SERF2: variants seen among roughly 807,000 people sequenced by gnomAD.
The protein encoded by SERF2 is small EDRK-rich factor 2, also known as gastric cancer-related protein VRG107.
Under a neutral mutation model 10.7 loss-of-function variants are expected in SERF2, and 4 were observed. The observed-to-expected ratio is 0.37, with a 90% CI of 0.18 to 0.86. The LOEUF is 0.86. Ranked by LOEUF, SERF2 falls within the 40% of genes least tolerant of loss-of-function variation. The pLI, the probability that SERF2 is intolerant of heterozygous loss-of-function variation, is 0.43. For missense variants in SERF2, 47 were observed against 79.1 expected (o/e 0.59, Z 1.54); for synonymous variants, 26 against 26.0 (o/e 1.00, Z 0.01).
At chr15:43,786,340 A>G (rs1229990971) in intron 2 of SERF2, among the ~76,000 whole-genome samples, 2 of 148,800 alleles carry the variant, frequency 1.3e-5, no homozygotes, top group Non-Finnish European at 3.0e-5. Flanking sequence ...GTATGAGCCC[A>G]GGAGGCGGAG....
At chr15:43,791,421 A>AGTAGAAAC (rs111393349), upstream of SERF2, among the ~76,000 whole-genome samples, 24,407 of 151,122 alleles carry the variant, frequency 0.16, 2,564 homozygotes, top group African/African-American at 0.29. Context: ...TTGTATTTTT[A>AGTAGAAAC]GGGTTTTCAC....
rs759897421 is a variant in SERF2, at chr15:43,793,639, C to A, written c.117-71C>A. On this transcript the variant is annotated intron_variant, in intron 2 of 2. Transcript: ENST00000249786. ...TCCACTTCCATCTTATCCTTTGTGC[C>A]CTTCATCCCCCTGCATCTTGTCCTT... is the stretch of plus-strand genomic sequence containing the variant. 2.5e-6 allele frequency: 4 copies of A among 1,613,164 alleles called. No homozygotes were observed. In the Admixed American group the frequency reaches 6.7e-5, roughly 27 times the overall value.
Position 43,793,722 on chromosome 15 carries a change from C to G in SERF2, c.129C>G (p.Ile43Met). 6.2e-7 allele frequency: 1 copy of G among 1,614,204 alleles called. No homozygotes were observed. Among genetic ancestry groups the G allele is most frequent in the Admixed American group, 1.7e-5 (1 of 60,022 alleles). Residue 43 changes from isoleucine to methionine, a missense_variant, in exon 3 of 3, where the codon ATC becomes ATG. Coordinates refer to ENST00000249786, the MANE Select transcript of SERF2 (RefSeq NM_001018108.4). ...TCTCTACCCCCAGGGACTCGGAGATCATGCAGCAGAAGCAGAAAAAGGCAA... is the reference window on the plus strand; with the variant it reads ...TCTCTACCCCCAGGGACTCGGAGATGATGCAGCAGAAGCAGAAAAAGGCAA... Reference protein sequence around the residue: ...AAARKQRDSEIMQQKQKKANE... With the variant: ...AAARKQRDSEMMQQKQKKANE...
chr15:43,783,728 T>C (rs1299611972), intron 1 of SERF2, among the ~76,000 whole-genome samples: 3 of 151,716 alleles, frequency 2.0e-5, no homozygotes, highest in African/African-American at 7.3e-5. Flanking sequence ...GCCTCCCAAG[T>C]AGCTGGGACT....
rs17580062 is a variant in SERF2 at position 43,795,250 on chromosome 15, G to A, written c.*1477G>A. On this transcript the variant is annotated 3_prime_UTR_variant, in exon 3 of 3. Coordinates refer to ENST00000249786, the MANE Select transcript of SERF2 (RefSeq NM_001018108.4). ...AAGGCTCTGGTTAGAGAATATGAAG[G>A]GCCTTAGCTTTTAGACCTGTTCTAC... The A allele has an allele frequency of 7.1e-3, 11,416 of 1,606,458 alleles. 42 individuals are homozygous for A. Among genetic ancestry groups the A allele is most frequent in the Non-Finnish European group, 8.4e-3 (9,907 of 1,173,240 alleles).
In SERF2 at chr15:43,793,623, A is replaced by G; in HGVS notation, c.117-87A>G. 1.9e-6 allele frequency: 3 copies of G among 1,611,282 alleles called. No homozygotes were observed. In the East Asian group the frequency reaches 6.7e-5, roughly 36 times the overall value. On this transcript the variant is annotated intron_variant, in intron 2 of 2. Transcript: ENST00000249786. ...GCTGAACTTAGTCCCATCCACTTCC[A>G]TCTTATCCTTTGTGCCCTTCATCCC...
upstream of SERF2, chr15:43,792,097 A>C: frequency 4.0e-6 from 2 of 500,392 alleles, no homozygotes; most frequent in South Asian, 2.1e-5. Flanking sequence ...TGCCCACGTG[A>C]CCCGGCCTAG....
chr15:43,789,010 G>A (rs1307120321), upstream of SERF2, among the ~76,000 whole-genome samples: 2 of 151,876 alleles, frequency 1.3e-5, no homozygotes, highest in African/African-American at 2.4e-5. Flanking sequence ...TTAGCCGGGC[G>A]TAGTGGCGGG....
chr15:43,795,591 C>T lies in SERF2; in HGVS notation c.*1818C>T, dbSNP rs369243797. ...GAGCAGAGCTGCTGAAACACCTCTT[C>T]CCCTCTCCCCCAACTACCTTTGTTA... On this transcript the variant is annotated 3_prime_UTR_variant, in exon 3 of 3. Transcript: ENST00000249786. The T allele has an allele frequency of 1.9e-5, 30 of 1,612,170 alleles. No homozygotes were observed. The highest frequency in any genetic ancestry group is 3.3e-5 in the Admixed American group (2 of 59,970).
In SERF2 at chr15:43,795,702, A is replaced by C; in HGVS notation, c.*1929A>C. ...TTGGCACTCACCTTTGTCTGCCTCCACTGTTTCAGGGCAGCAGAAACACAG... is the reference window on the plus strand; with the variant it reads ...TTGGCACTCACCTTTGTCTGCCTCCCCTGTTTCAGGGCAGCAGAAACACAG... On this transcript the variant is annotated 3_prime_UTR_variant, in exon 3 of 3. Transcript: ENST00000249786. 6.2e-7 allele frequency: 1 copy of C among 1,614,080 alleles called. No individual in the cohort carries two copies. The highest frequency in any genetic ancestry group is 1.1e-5 in the South Asian group (1 of 91,072).
rs773514291 is a variant in SERF2 at position 43,793,946 on chromosome 15, C to T, written c.*173C>T. The T allele has an allele frequency of 1.3e-6, 2 of 1,552,512 alleles. No individual in the cohort carries two copies. The highest frequency in any genetic ancestry group is 1.4e-5 in the African/African-American group (1 of 73,288). On this transcript the variant is annotated 3_prime_UTR_variant, in exon 3 of 3. Coordinates refer to ENST00000249786, the MANE Select transcript of SERF2 (RefSeq NM_001018108.4). ...GCTTCCTTCCCCTCAGGTAGCCTCTCTCCCCCTGGGCCACTCCCGGGGGTG... is the reference window on the plus strand; with the variant it reads ...GCTTCCTTCCCCTCAGGTAGCCTCTTTCCCCCTGGGCCACTCCCGGGGGTG...
intron 1 of SERF2, among the ~76,000 whole-genome samples, chr15:43,783,651 G>T (rs1273576568): frequency 6.6e-6 from 1 of 151,866 alleles, no homozygotes; most frequent in Non-Finnish European, 1.5e-5. Flanking sequence ...CCAGGCTGGA[G>T]TGCAGTGACA....
In SERF2 at chr15:43,795,626, A is replaced by G; in HGVS notation, c.*1853A>G. On this transcript the variant is annotated 3_prime_UTR_variant, in exon 3 of 3. Coordinates refer to ENST00000249786, the MANE Select transcript of SERF2 (RefSeq NM_001018108.4). ...CCAACTACCTTTGTTAAGGCTCTTG[A>G]GGGTTCTTATGGCACTCCACAGAGA... The G allele has an allele frequency of 1.3e-6, 2 of 1,599,766 alleles. No homozygotes were observed. The highest frequency in any genetic ancestry group is 1.1e-5 in the South Asian group (1 of 90,692).
upstream of SERF2, among the ~76,000 whole-genome samples, chr15:43,787,357 A>T (rs749304949): frequency 7.9e-5 from 12 of 152,056 alleles, no homozygotes; most frequent in Non-Finnish European, 1.6e-4. Context: ...TGATTGACTT[A>T]GCCATTCAGT....
At chr15:43,777,208 C>T in exon 1 of SERF2, 1 of 567,652 alleles carries the variant, frequency 1.8e-6, no homozygotes, top group Non-Finnish European at 3.4e-6. Context: ...CGACCAGCGT[C>T]TGACCTCTCA....
upstream of SERF2, chr15:43,792,259 C>T (rs1366601653): frequency 4.5e-6 from 4 of 888,224 alleles, no homozygotes; most frequent in East Asian, 2.5e-5. Flanking sequence ...GGCTCCCGGG[C>T]GCGAAGGGGC....
intron 1 of SERF2, among the ~76,000 whole-genome samples, chr15:43,780,102 G>A (rs773381146): frequency 2.0e-5 from 3 of 151,890 alleles, no homozygotes; most frequent in Non-Finnish European, 2.9e-5. Flanking sequence ...TTTTCTTTAT[G>A]AACCCCTGTG....
At chr15:43,787,251 G>A (rs372173676) in intron 2 of SERF2, among the ~76,000 whole-genome samples, 5 of 151,604 alleles carry the variant, frequency 3.3e-5, no homozygotes, top group African/African-American at 9.7e-5. Flanking sequence ...AGCCCGCCTC[G>A]GCCTCCCAAA....
chr15:43,780,920 TTAAATCTTAGC>T (rs1159392365), intron 1 of SERF2, among the ~76,000 whole-genome samples: 1 of 152,208 alleles, frequency 6.6e-6, no homozygotes, highest in African/African-American at 2.4e-5. Flanking sequence ...TGTTCTTACC[TTAAATCTTAGC>T]TAACTCAGCA....
Sources: allele counts gnomAD v4.1 joint callset (sites outside exome capture counted in the v4.1 genomes callset), GRCh38; gene constraint gnomAD v4.1.1; transcripts MANE v1.5; gene names NCBI Gene and HGNC (gene_info 2026-07-23, HGNC 2026-07-21).